GHR: variants seen among roughly 807,000 people sequenced by gnomAD.
The protein encoded by GHR is growth hormone receptor.
A neutral mutation model predicts 67.1 loss-of-function variants in GHR; 35 were observed. The ratio of observed to expected loss-of-function variants is 0.52; its 90% CI spans 0.40 to 0.69. The LOEUF (loss-of-function observed/expected upper bound fraction) is 0.69. GHR is among the 30% of genes least tolerant of loss of function. The probability of loss-of-function intolerance (pLI) is 0.00; values close to 1 mark genes in which losing one functional copy is unlikely to be tolerated. For synonymous variants in GHR, 272 were observed against 269.1 expected, an observed-to-expected ratio of 1.01 and a Z score of -0.10; for missense variants, 792 against 764.6, an observed-to-expected ratio of 1.04 and a Z score of -0.42.
At chr5:42,467,074 C>A (rs1744763891) in intron 1 of GHR, 23 of 1,583,352 alleles carry the variant, frequency 1.5e-5, no homozygotes, top group Middle Eastern at 1.7e-4. Flanking sequence ...ATTATGGATT[C>A]TCTGATGAAT....
intron 1 of GHR, among the ~76,000 whole-genome samples, chr5:42,508,932 T>C (rs1205707246): frequency 1.3e-5 from 2 of 152,200 alleles, no homozygotes; most frequent in Admixed American, 6.5e-5. Context: ...TGAATATTTT[T>C]AAAGGAAAAG....
chr5:42,457,623 G>A lies in GHR; in HGVS notation c.-12+33668G>A, dbSNP rs183305119. Among the ~76,000 whole-genome samples, 196 of 152,246 alleles carry A rather than the reference G, an allele frequency of 1.3e-3. 2 individuals carry two copies. The highest frequency in any genetic ancestry group is 2.3e-3 in the Non-Finnish European group (157 of 67,988). Reference sequence around the variant, plus strand: ...CCTGTATAACCAGACCTTGTTAACTGTTTTTGGTAAATTCCAATGTGTATT... The same window carrying A: ...CCTGTATAACCAGACCTTGTTAACTATTTTTGGTAAATTCCAATGTGTATT... On this transcript the variant is annotated intron_variant, in intron 1 of 9. Transcript: ENST00000230882.
rs191237624 is a variant in GHR at position 42,456,613 on chromosome 5, G to A, written c.-12+32658G>A. ...TTCTGAGTGGTAAAAATTAAACAAA[G>A]TAAACGAGTCTCCGTTTCATTTGTT... On this transcript the variant is annotated intron_variant, in intron 1 of 9. Transcript: ENST00000230882. 8.7e-4 allele frequency among the ~76,000 whole-genome samples: 133 copies of A among 152,292 alleles called. 5 individuals are homozygous for A. Among genetic ancestry groups the A allele is most frequent in the Admixed American group, 8.4e-3 (129 of 15,300 alleles).
At chr5:42,643,887 G>T (rs1441922289) in intron 3 of GHR, among the ~76,000 whole-genome samples, 1 of 151,962 alleles carries the variant, frequency 6.6e-6, no homozygotes, top group African/African-American at 2.4e-5. Context: ...GGTTACCAGG[G>T]CATCTCACTA....
At chr5:42,448,689 TGC>T (rs1336744607) in intron 1 of GHR, among the ~76,000 whole-genome samples, 4 of 151,920 alleles carry the variant, frequency 2.6e-5, no homozygotes, top group Non-Finnish European at 5.9e-5. Context: ...TTGGGGTTTT[TGC>T]TCATGAGTTC....
In GHR at chr5:42,597,018, G is replaced by C. The variant is rs140333255; in HGVS notation, c.70+31074G>C. On this transcript the variant is annotated intron_variant, in intron 2 of 9. Coordinates refer to ENST00000230882, the MANE Select transcript of GHR (RefSeq NM_000163.5). ...GGAATGGCTGGGTGATGACCAGGGTGCAGATTGTGTTTACTCAAGGCTGAT... is the reference window on the plus strand; with the variant it reads ...GGAATGGCTGGGTGATGACCAGGGTCCAGATTGTGTTTACTCAAGGCTGAT... Among the ~76,000 whole-genome samples, 660 of 152,290 alleles carry C rather than the reference G, an allele frequency of 4.3e-3. 3 individuals are homozygous for C. Among genetic ancestry groups the C allele is most frequent in the African/African-American group, 0.015 (638 of 41,548 alleles).
chr5:42,522,789 A>G (rs954528194), intron 1 of GHR, among the ~76,000 whole-genome samples: 9 of 152,244 alleles, frequency 5.9e-5, no homozygotes, highest in African/African-American at 2.2e-4. Flanking sequence ...GTTTTAAGAA[A>G]GAGTCTGAAA....
In GHR at chr5:42,501,915, C is replaced by A. The variant is rs116917232; in HGVS notation, c.-11-63949C>A. Among the ~76,000 whole-genome samples the A allele has an allele frequency of 5.3e-4, 81 of 152,260 alleles. No individual in the cohort carries two copies. The East Asian group carries it at 0.015, about 28-fold the overall frequency. ...CTTGACAAATGGTGTTTTTGCTAAG[C>A]CTCACAGCAGCTTTGTTCATGTATT... On this transcript the variant is annotated intron_variant, in intron 1 of 9. Coordinates refer to ENST00000230882, the MANE Select transcript of GHR (RefSeq NM_000163.5).
At chr5:42,703,490 T>C (rs1267249910) in intron 6 of GHR, among the ~76,000 whole-genome samples, 5 of 152,044 alleles carry the variant, frequency 3.3e-5, no homozygotes, top group Non-Finnish European at 7.4e-5. Flanking sequence ...GAGTGATGAT[T>C]TCATCCTTGT....
chr5:42,481,299 TTCTC>T (rs1414606580), intron 1 of GHR, among the ~76,000 whole-genome samples: 1 of 152,220 alleles, frequency 6.6e-6, no homozygotes, highest in Non-Finnish European at 1.5e-5. Context: ...AACCTGACCT[TTCTC>T]TCTGGCTGCC....
intron 1 of GHR, among the ~76,000 whole-genome samples, chr5:42,434,108 A>C (rs1209704098): frequency 2.0e-5 from 3 of 152,172 alleles, no homozygotes; most frequent in Middle Eastern, 6.3e-3. Context: ...GATGCCAACA[A>C]TATGACTTCC....
intron 2 of GHR, among the ~76,000 whole-genome samples, chr5:42,620,295 CACA>C (rs777750831): frequency 1.3e-5 from 2 of 152,020 alleles, no homozygotes; most frequent in Non-Finnish European, 2.9e-5. Flanking sequence ...CATAATGCCT[CACA>C]ACATTTTTTG....
intron 3 of GHR, among the ~76,000 whole-genome samples, chr5:42,670,880 A>AAAAAT (rs1554034852): frequency 8.5e-6 from 1 of 118,210 alleles, no homozygotes; most frequent in African/African-American, 3.3e-5. Context: ...AAAAAAAAAA[A>AAAAAT]ATATATATAT....
chr5:42,614,278 C>T (rs1297989642), intron 2 of GHR, among the ~76,000 whole-genome samples: 1 of 151,982 alleles, frequency 6.6e-6, no homozygotes, highest in African/African-American at 2.4e-5. Flanking sequence ...GCGTAACTTT[C>T]ATTATTCATC....
chr5:42,548,169 A>T (rs747081908), intron 1 of GHR: 14 of 983,476 alleles, frequency 1.4e-5, no homozygotes, highest in Non-Finnish European at 1.7e-5. Context: ...GATTTATTAT[A>T]TGAGACAATG....
At chr5:42,621,492 A>G (rs1753442376) in intron 2 of GHR, among the ~76,000 whole-genome samples, 1 of 152,182 alleles carries the variant, frequency 6.6e-6, no homozygotes, top group African/African-American at 2.4e-5. Context: ...TAGACAGGAA[A>G]TAAATATGTG....
chr5:42,616,482 C>G (rs1029142745), intron 2 of GHR, among the ~76,000 whole-genome samples: 4 of 151,966 alleles, frequency 2.6e-5, no homozygotes, highest in African/African-American at 9.7e-5. Flanking sequence ...TTAGGAAGAA[C>G]AGTTTTTTTC....
chr5:42,456,402 G>A (rs933682589), intron 1 of GHR, among the ~76,000 whole-genome samples: 1 of 152,208 alleles, frequency 6.6e-6, no homozygotes, highest in Non-Finnish European at 1.5e-5. Context: ...ATATATTTCT[G>A]TTTTAAGGTA....
chr5:42,582,251 C>G (rs988065422), intron 2 of GHR, among the ~76,000 whole-genome samples: 4 of 152,270 alleles, frequency 2.6e-5, no homozygotes, highest in Non-Finnish European at 5.9e-5. Context: ...GCTCCACCTT[C>G]AAGCCAGGGA....
Sources: gnomAD v4.1 joint callset for allele counts (sites outside exome capture counted in the v4.1 genomes callset) on GRCh38, gnomAD v4.1.1 for gene constraint, MANE v1.5 for transcripts, NCBI Gene and HGNC (gene_info 2026-07-23, HGNC 2026-07-21) for gene names.